PLCD3: variants seen among roughly 807,000 people sequenced by gnomAD.
PLCD3 encodes the protein phospholipase C delta 3.
PLCD3 carries 62 observed loss-of-function variants against 82.8 expected under a neutral mutation model. The observed-to-expected ratio is 0.75, with a 90% CI of 0.61 to 0.93. The LOEUF (loss-of-function observed/expected upper bound fraction) is 0.93. Ranked by LOEUF, PLCD3 falls within the 40% of genes least tolerant of loss-of-function variation. The probability of loss-of-function intolerance (pLI) is 0.00; values close to 1 mark genes in which losing one functional copy is unlikely to be tolerated. For synonymous variants in PLCD3, 478 were observed against 471.8 expected (o/e 1.01, Z -0.17); for missense variants, 1,023 against 1,103.4 (o/e 0.93, Z 1.03).
intron 1 of PLCD3, among the ~76,000 whole-genome samples, chr17:45,125,306 C>T (rs1217437301): frequency 1.5e-5 from 2 of 133,166 alleles, no homozygotes; most frequent in African/African-American, 5.7e-5. Flanking sequence ...CTACTAAAAA[C>T]ATAAAACATT....
Position 45,132,462 on chromosome 17 carries a change from C to T in PLCD3, c.-52G>A. On this transcript the variant is annotated 5_prime_UTR_variant, in exon 1 of 15. Coordinates refer to ENST00000619929, the MANE Select transcript of PLCD3 (RefSeq NM_133373.5). This position sits in a 1 kb window ranked among gnomAD's most constrained non-coding sequence, Gnocchi z 4.6. The stretch of plus-strand genomic sequence containing the variant: ...CCGGGGTCTGCACGCGGGGACAGGG[C>T]AGCGGGGCGCCGCTCTGGCCCGGCC... 1.8e-6 allele frequency: 2 copies of T among 1,111,876 alleles called. No individual in the cohort carries two copies. The highest frequency in any genetic ancestry group is 2.2e-6 in the Non-Finnish European group (2 of 894,630). The allele number at this position is 1,111,876 out of a possible 1,614,324, so 68.9% of individuals were successfully genotyped here. A position where few individuals can be genotyped will look rare whatever the true frequency, so the allele number is the denominator to read the frequency against.
At position 45,120,997 on chromosome 17, in the gene PLCD3, C is replaced by G; in HGVS notation, c.459G>C (p.Ala153=). The G allele has an allele frequency of 6.5e-7, 1 of 1,534,818 alleles. No individual in the cohort carries two copies. Among genetic ancestry groups the G allele is most frequent in the Non-Finnish European group, 8.7e-7 (1 of 1,147,902 alleles). ...FKGRRKNLDL[A]APTAEEAQRW... Reference sequence around the variant, plus strand: ...GCTGCGCTTCCTCAGCCGTGGGCGCCGCCAGGTCCAGGTTCTTGCGGCGGC... The same window carrying G: ...GCTGCGCTTCCTCAGCCGTGGGCGCGGCCAGGTCCAGGTTCTTGCGGCGGC... Residue 153 remains alanine (A), a synonymous_variant, in exon 3 of 15, where the codon GCG becomes GCC. Coordinates refer to ENST00000619929, the MANE Select transcript of PLCD3 (RefSeq NM_133373.5).
Position 45,118,982 on chromosome 17 carries a change from C to T in PLCD3, c.746G>A (p.Arg249Gln), listed in dbSNP as rs545901742. Residue 249 changes from arginine (R) to glutamine (Q), a missense_variant, in exon 5 of 15, where the codon CGG becomes CAG. Physicochemically the swap from Arg to Gln is conservative, Grantham distance 43 (BLOSUM62 1). This residue lies in a region of PLCD3 where 448 missense variants were observed against 406.3 expected (regional missense o/e 1.10). Transcript: ENST00000619929. The surrounding 1 kb of genome is among the most constrained non-coding windows in gnomAD (Gnocchi z 4.1). Reference protein sequence around the residue: ...EGAEIEEFLRRLLKRPELEEI... With the variant: ...EGAEIEEFLRQLLKRPELEEI... ...CTCCAGCTCCGGCCGCTTCAGCAGC[C>T]GCCGCAGGAACTCCTCGATCTCAGC... 1.6e-5 allele frequency: 26 copies of T among 1,612,550 alleles called. No homozygotes were observed. In the East Asian group the frequency reaches 3.8e-4, roughly 23 times the overall value.
At position 45,118,120 on chromosome 17, in the gene PLCD3, G is replaced by A. The variant is rs752927153; in HGVS notation, c.1134C>T (p.Cys378=). ...EAYVRAFAQG[C]RCVELDCWEG... is the part of the protein sequence containing the mutation. Reference sequence around the variant, plus strand: ...CCCAGCAGTCCAGCTCCACGCAGCGGCATCCCTGGGCAAAGGCCCTGTGTG... The same window carrying A: ...CCCAGCAGTCCAGCTCCACGCAGCGACATCCCTGGGCAAAGGCCCTGTGTG... Residue 378 remains cysteine, a synonymous_variant, in exon 7 of 15, where the codon TGC becomes TGT. Transcript: ENST00000619929. This position sits in a 1 kb window ranked among gnomAD's most constrained non-coding sequence, Gnocchi z 4.1. 7 of 1,613,844 alleles carry A rather than the reference G, an allele frequency of 4.3e-6. No homozygotes were observed. The Admixed American group carries it at 1.2e-4, about 27-fold the overall frequency.
At chr17:45,124,338 C>T (rs1009960948) in intron 1 of PLCD3, among the ~76,000 whole-genome samples, 5 of 152,260 alleles carry the variant, frequency 3.3e-5, no homozygotes, top group African/African-American at 1.2e-4. Context: ...TACTTCTGGC[C>T]CCTTACCCTC....
chr17:45,121,377 C>T lies in PLCD3; in HGVS notation c.164-5G>A. The T allele has an allele frequency of 1.3e-6, 2 of 1,502,574 alleles. No individual in the cohort carries two copies. The highest frequency in any genetic ancestry group is 1.8e-6 in the Non-Finnish European group (2 of 1,131,966). 93.1% of individuals were successfully genotyped at this position (1,502,574 alleles called of 1,614,324 possible). ...CGTCCTCGTCCTCCGTCAGGCCTGG[C>T]GGGGCGGGAGGACCCGGGGCGTCAG... On this transcript the variant is annotated splice_polypyrimidine_tract_variant and splice_region_variant and intron_variant, in intron 1 of 14. Coordinates refer to ENST00000619929, the MANE Select transcript of PLCD3 (RefSeq NM_133373.5).
chr17:45,111,842 T>C lies in PLCD3; in HGVS notation c.*774A>G, dbSNP rs374235416. ...GAGCTCGAGACCAGCCTGGGCAACATAGGGAGACCCCCGCCCCCCCCGCCA... is the reference window on the plus strand; with the variant it reads ...GAGCTCGAGACCAGCCTGGGCAACACAGGGAGACCCCCGCCCCCCCCGCCA... On this transcript the variant is annotated 3_prime_UTR_variant, in exon 15 of 15. Transcript: ENST00000619929. 2.2e-4 allele frequency: 33 copies of C among 151,874 alleles called. No individual in the cohort carries two copies. In the South Asian group the frequency reaches 5.8e-3, roughly 27 times the overall value. 9.4% of individuals were successfully genotyped at this position (151,874 alleles called of 1,614,324 possible). A position where few individuals can be genotyped will look rare whatever the true frequency, so the allele number is the denominator to read the frequency against.
At chr17:45,120,628 G>A (rs2054328691) in intron 3 of PLCD3, among the ~76,000 whole-genome samples, 174 bp from the exon 4 acceptor site, 1 of 152,168 alleles carries the variant, frequency 6.6e-6, no homozygotes, top group Admixed American at 6.5e-5. Flanking sequence ...GCAGGACTGG[G>A]GCTTACCAAA....
chr17:45,124,627 C>T (rs1427577308), intron 1 of PLCD3, among the ~76,000 whole-genome samples: 2 of 152,350 alleles, frequency 1.3e-5, no homozygotes, highest in East Asian at 1.9e-4. Context: ...GCCAGGGCAG[C>T]GATGCTGCGA....
intron 4 of PLCD3, among the ~76,000 whole-genome samples, chr17:45,119,814 A>C (rs2054322025): frequency 6.6e-6 from 1 of 152,074 alleles, no homozygotes; most frequent in Non-Finnish European, 1.5e-5. Flanking sequence ...TCGGGGTCAC[A>C]GGTGGGTCCC....
At position 45,121,305 on chromosome 17, in the gene PLCD3, G is replaced by A; in HGVS notation, c.231C>T (p.Arg77=). 1 of 1,575,206 alleles carries A rather than the reference G, an allele frequency of 6.3e-7. No individual in the cohort carries two copies. Among genetic ancestry groups the A allele is most frequent in the Non-Finnish European group, 8.6e-7 (1 of 1,169,396 alleles). The change falls in exon 2 of 15, where the codon CGC becomes CGT. Residue 77 remains arginine, a synonymous_variant. Transcript: ENST00000619929. ...GGTACAGCCGCTCCTTGTGCCACGT[G>A]CGCGAGCGGATCTTGCGGAGCCGGG... ...RGSRLRKIRS[R]TWHKERLYRL... is the part of the protein sequence containing the mutation.
In PLCD3 at chr17:45,112,240, G is replaced by A. The variant is rs748111250; in HGVS notation, c.*376C>T. 6 of 242,946 alleles carry A rather than the reference G, an allele frequency of 2.5e-5. No individual in the cohort carries two copies. Among genetic ancestry groups the A allele is most frequent in the African/African-American group, 4.5e-5 (2 of 43,992 alleles). The allele number at this position is 242,946 out of a possible 1,614,324, so 15.0% of individuals were successfully genotyped here. A position where few individuals can be genotyped will look rare whatever the true frequency, so the allele number is the denominator to read the frequency against. On this transcript the variant is annotated 3_prime_UTR_variant, in exon 15 of 15. Transcript: ENST00000619929. ...GACTGCGCTCCTCTGGGGGAAGGAG[G>A]CTGGGATGGCCCACGGGAGGACAGA...
rs374063213 is a variant in PLCD3 at position 45,115,442 on chromosome 17, G to A, written c.1462C>T (p.Arg488Trp). The A allele has an allele frequency of 8.1e-6, 13 of 1,612,096 alleles. No individual in the cohort carries two copies. Among genetic ancestry groups the A allele is most frequent in the African/African-American group, 8.0e-5 (6 of 74,738 alleles). ...LVKGKKLPAARSEDGRALSDR... is the reference protein window; with the variant it reads ...LVKGKKLPAAWSEDGRALSDR... ...GACAGAGCCCGGCCATCCTCGCTCC[G>A]AGCAGCGGGCAACTTCTTTCCCTTC... The change falls in exon 9 of 15, where the codon CGG becomes TGG. Residue 488 changes from arginine (R) to tryptophan (W), a missense_variant. Around this residue, in one of 3 missense-constraint regions of PLCD3, gnomAD observed 553 missense variants for 655.7 expected, o/e 0.84. Transcript: ENST00000619929.
At chr17:45,123,278 C>G (rs972136517) in intron 1 of PLCD3, among the ~76,000 whole-genome samples, 1 of 152,228 alleles carries the variant, frequency 6.6e-6, no homozygotes, top group African/African-American at 2.4e-5. Context: ...ATCACCTCCT[C>G]CAGGAACCCT....
rs775843276 is a variant in PLCD3, at chr17:45,116,672, G to C, written c.1373C>G (p.Ala458Gly). The change falls in exon 8 of 15, where the codon GCG (alanine) becomes GGG (glycine). Residue 458 changes from alanine (A) to glycine (G), a missense_variant. Physicochemically the swap from Ala to Gly is moderately conservative, Grantham distance 60 (BLOSUM62 0). Transcript: ENST00000619929. ...TILGDMLVTQ[A>G]LDSPNPEELP... ...CTCCTCGGGATTTGGGGAGTCCAGCGCCTGTGTCACCAGCATGTCCCCCAG... is the reference window on the plus strand; with the variant it reads ...CTCCTCGGGATTTGGGGAGTCCAGCCCCTGTGTCACCAGCATGTCCCCCAG... The C allele has an allele frequency of 6.2e-7, 1 of 1,609,738 alleles. No homozygotes were observed. Among genetic ancestry groups the C allele is most frequent in the Non-Finnish European group, 8.5e-7 (1 of 1,177,508 alleles).
At position 45,115,141 on chromosome 17, in the gene PLCD3, AC is replaced by A; in HGVS notation, c.1663del (p.Val555SerfsTer28). The A allele has an allele frequency of 6.2e-7, 1 of 1,601,488 alleles. No homozygotes were observed. Among genetic ancestry groups the A allele is most frequent in the Admixed American group, 1.7e-5 (1 of 58,122 alleles). On this transcript the variant is annotated frameshift_variant, in exon 10 of 15. Coordinates refer to ENST00000619929, the MANE Select transcript of PLCD3 (RefSeq NM_133373.5). LOFTEE classifies it high-confidence loss of function. ...GGCTTTGCGCTCGCTGAGGGAGCTG[AC>A]CTGGCAGGGTTGTGGGGCGTTGGGG... is the stretch of plus-strand genomic sequence containing the variant. The part of the protein sequence containing the change: ...PAPNAPQPCQ[V>X]SSLSERKAKK...
In PLCD3 at chr17:45,112,716, A is replaced by G; in HGVS notation, c.2282-12T>C. 1 of 1,600,608 alleles carries G rather than the reference A, an allele frequency of 6.2e-7. No individual in the cohort carries two copies. Among genetic ancestry groups the G allele is most frequent in the Non-Finnish European group, 8.5e-7 (1 of 1,173,868 alleles). ...TATGTGGCGGTACCCTGTAGGGAGG[A>G]CAGCCAGGCCTCAGGTCCTCTGTGC... On this transcript the variant is annotated splice_polypyrimidine_tract_variant and intron_variant, in intron 14 of 14. Coordinates refer to ENST00000619929, the MANE Select transcript of PLCD3 (RefSeq NM_133373.5).
At chr17:45,128,164 C>T (rs934937441) in intron 1 of PLCD3, among the ~76,000 whole-genome samples, 6 of 152,104 alleles carry the variant, frequency 3.9e-5, no homozygotes, top group African/African-American at 7.2e-5. Flanking sequence ...TGGAGCCTGG[C>T]GGGGGCTCGG....
intron 1 of PLCD3, among the ~76,000 whole-genome samples, chr17:45,129,518 T>C (rs576758641): frequency 5.3e-5 from 8 of 152,352 alleles, no homozygotes; most frequent in South Asian, 2.1e-4. Flanking sequence ...CTGGGAGCCA[T>C]CATGGAAAAC....
Sources: allele counts gnomAD v4.1 joint callset (sites outside exome capture counted in the v4.1 genomes callset), GRCh38; gene constraint gnomAD v4.1.1; regional missense constraint gnomAD v4.1.1; non-coding constraint Gnocchi (gnomAD v3.1); transcripts MANE v1.5; gene names NCBI Gene and HGNC (gene_info 2026-07-23, HGNC 2026-07-21).